The following TBC1D5 variants were observed in gnomAD, a reference collection of about 807,000 sequenced individuals.
The protein encoded by TBC1D5 is TBC1 domain family member 5.
In TBC1D5, 75 loss-of-function variants were observed where a neutral mutation model predicts 100.3. The observed-to-expected ratio is 0.75, with a 90% CI of 0.62 to 0.91. The LOEUF is 0.91. TBC1D5 is among the 40% of genes least tolerant of loss of function. TBC1D5 has a pLI of 0.00. For synonymous variants in TBC1D5, 323 were observed against 325.6 expected (o/e 0.99, Z 0.09); for missense variants, 910 against 942.4 (o/e 0.97, Z 0.45).
chr3:17,718,671 T>C (rs950329596), intron 1 of TBC1D5, among the ~76,000 whole-genome samples: 18 of 152,332 alleles, frequency 1.2e-4, no homozygotes, highest in African/African-American at 4.1e-4. Flanking sequence ...ATATTCACAA[T>C]GCTGTACCAT....
chr3:17,404,674 T>C lies in TBC1D5; in HGVS notation c.441+20A>G, dbSNP rs748385094. The stretch of plus-strand genomic sequence containing the variant: ...CTTAGCAGCAAAAGAGGTTAAGACA[T>C]GAACAAAGACGAACTTTACCCCTTC... On this transcript the variant is annotated intron_variant, in intron 7 of 21. Transcript: ENST00000253692. The C allele has an allele frequency of 5.1e-6, 8 of 1,580,790 alleles. No individual in the cohort carries two copies. In the Admixed American group the frequency reaches 5.7e-5, roughly 11 times the overall value.
intron 2 of TBC1D5, among the ~76,000 whole-genome samples, chr3:17,619,114 A>G (rs1294411837): frequency 6.6e-6 from 1 of 152,206 alleles, no homozygotes; most frequent in Non-Finnish European, 1.5e-5. Context: ...AATGTTCAAA[A>G]CCTACATAAA....
chr3:17,734,065 A>G (rs2076776350), intron 1 of TBC1D5, among the ~76,000 whole-genome samples: 1 of 152,206 alleles, frequency 6.6e-6, no homozygotes, highest in Non-Finnish European at 1.5e-5. Flanking sequence ...TGTATTCACA[A>G]TAATTTCTCC....
chr3:17,286,950 T>C (rs1326707411), intron 15 of TBC1D5, among the ~76,000 whole-genome samples: 1 of 152,228 alleles, frequency 6.6e-6, no homozygotes, highest in East Asian at 1.9e-4. Context: ...TCTAAAACTC[T>C]GACAGCCTAA....
intron 9 of TBC1D5, among the ~76,000 whole-genome samples, chr3:17,380,115 G>A (rs2092887770): frequency 6.9e-6 from 1 of 145,720 alleles, no homozygotes; most frequent in South Asian, 2.2e-4. Context: ...CCTACCACAG[G>A]CCCAGCACAA....
intron 15 of TBC1D5, among the ~76,000 whole-genome samples, chr3:17,286,247 CAAAATTCACCGTTAACTT>C (rs1203732087): frequency 6.6e-6 from 1 of 152,142 alleles, no homozygotes; most frequent in Non-Finnish European, 1.5e-5. Context: ...AACAGATTTG[CAAAATTCACCGTTAACTT>C]AAAACAATAG....
At chr3:17,302,476 AG>A (rs201208865) in intron 14 of TBC1D5, among the ~76,000 whole-genome samples, 10 of 151,814 alleles carry the variant, frequency 6.6e-5, no homozygotes, top group South Asian at 4.2e-4. Context: ...TCTTTTGTTG[AG>A]GGGGGGGATA....
At chr3:17,411,460 GAAC>G (rs1167915348) in intron 4 of TBC1D5, among the ~76,000 whole-genome samples, 1 of 152,064 alleles carries the variant, frequency 6.6e-6, no homozygotes, top group Non-Finnish European at 1.5e-5. Flanking sequence ...TGTAGTCTGT[GAAC>G]AACAAGCACA....
At chr3:17,507,675 T>C (rs1470027154) in intron 3 of TBC1D5, among the ~76,000 whole-genome samples, 20 of 152,212 alleles carry the variant, frequency 1.3e-4, no homozygotes, top group Admixed American at 1.3e-3. Flanking sequence ...TTTGACTAAT[T>C]TATGTTTTAA....
At chr3:17,296,593 G>C (rs1575180700) in intron 14 of TBC1D5, among the ~76,000 whole-genome samples, 1 of 152,168 alleles carries the variant, frequency 6.6e-6, no homozygotes, top group East Asian at 1.9e-4. Context: ...TTCAGTTTTG[G>C]AGAAAGCCAA....
intron 4 of TBC1D5, among the ~76,000 whole-genome samples, chr3:17,409,968 T>C (rs148908582): frequency 6.6e-6 from 1 of 152,248 alleles, no homozygotes; most frequent in African/African-American, 2.4e-5. Flanking sequence ...GTAGCTACAA[T>C]AAACAATAGA....
chr3:17,190,999 C>T (rs1476174140), intron 18 of TBC1D5, among the ~76,000 whole-genome samples: 1 of 151,994 alleles, frequency 6.6e-6, no homozygotes, highest in African/African-American at 2.4e-5. Context: ...TACACAAGGG[C>T]AAAACACATA....
At position 17,403,285 on chromosome 3, in the gene TBC1D5, A is replaced by G. The variant is rs186896442; in HGVS notation, c.442-37T>C. The G allele has an allele frequency of 9.3e-5, 130 of 1,403,414 alleles. No homozygotes were observed. In the African/African-American group the frequency reaches 1.5e-3, roughly 16 times the overall value. The allele number at this position is 1,403,414 out of a possible 1,614,324, so 86.9% of individuals were successfully genotyped here. A position where few individuals can be genotyped will look rare whatever the true frequency, so the allele number is the denominator to read the frequency against. ...AAAACAATCTATTATATAGTCTCACACCTTTGTTTTACTTTTAGTGATTTC... is the reference window on the plus strand; with the variant it reads ...AAAACAATCTATTATATAGTCTCACGCCTTTGTTTTACTTTTAGTGATTTC... On this transcript the variant is annotated intron_variant, in intron 7 of 21. Coordinates refer to ENST00000253692, the Ensembl canonical transcript of TBC1D5.
At chr3:17,479,126 C>T (rs1253168851) in intron 3 of TBC1D5, among the ~76,000 whole-genome samples, 4 of 152,122 alleles carry the variant, frequency 2.6e-5, no homozygotes, top group Non-Finnish European at 2.9e-5. Flanking sequence ...AAAGGCTGGA[C>T]GTGGCGGCTC....
intron 1 of TBC1D5, among the ~76,000 whole-genome samples, chr3:17,702,587 G>C (rs1478268774): frequency 6.6e-6 from 1 of 152,080 alleles, no homozygotes; most frequent in Non-Finnish European, 1.5e-5. Context: ...CTTCTTAGCA[G>C]CATTCCCCAT....
At chr3:17,467,771 T>C (rs56249239) in intron 3 of TBC1D5, among the ~76,000 whole-genome samples, 15,468 of 151,986 alleles carry the variant, frequency 0.1, 884 homozygotes, top group African/African-American at 0.15. Flanking sequence ...GTGGCATACA[T>C]TTGTAATCCT....
At chr3:17,604,016 T>C (rs577738305) in intron 2 of TBC1D5, among the ~76,000 whole-genome samples, 114 of 152,356 alleles carry the variant, frequency 7.5e-4, no homozygotes, top group African/African-American at 2.6e-3. Context: ...CCTTCCTTCA[T>C]GAAGCCAAGA....
rs115218221 is a variant in TBC1D5, at chr3:17,361,286, T to G, written c.995+10789A>C. Among the ~76,000 whole-genome samples the G allele has an allele frequency of 3.4e-3, 516 of 152,172 alleles. 2 individuals carry two copies. Among genetic ancestry groups the G allele is most frequent in the African/African-American group, 0.012 (502 of 41,566 alleles). ...GTAAGAATACTGGATGTTTCATTAT[T>G]AATCCCACATGTCTGGTCATTTTAA... On this transcript the variant is annotated intron_variant, in intron 13 of 21. Coordinates refer to ENST00000253692, the Ensembl canonical transcript of TBC1D5.
intron 3 of TBC1D5, among the ~76,000 whole-genome samples, chr3:17,473,645 C>A (rs2095406479): frequency 6.6e-6 from 1 of 152,182 alleles, no homozygotes; most frequent in South Asian, 2.1e-4. Context: ...AAAAAGCTAA[C>A]CGCAGGTTCT....
Sources: allele counts gnomAD v4.1 joint callset (sites outside exome capture counted in the v4.1 genomes callset), GRCh38; gene constraint gnomAD v4.1.1; transcripts MANE v1.5; gene names NCBI Gene and HGNC (gene_info 2026-07-23, HGNC 2026-07-21).